Variants in SGCD observed in about 807,000 individuals in gnomAD.
The protein encoded by SGCD is delta-sarcoglycan.
Under a neutral mutation model 36.6 loss-of-function variants are expected in SGCD, and 18 were observed. The ratio of observed to expected loss-of-function variants is 0.49; its 90% confidence interval spans 0.34 to 0.73. The LOEUF is 0.73. SGCD is among the 30% of genes least tolerant of loss of function. The pLI is 0.01. For missense variants in SGCD, 387 were observed against 346.7 expected (o/e 1.12, Z -0.92); for synonymous variants, 133 against 130.6 (o/e 1.02, Z -0.12).
intron 1 of SGCD, among the ~76,000 whole-genome samples, chr5:156,022,544 T>G (rs527458020): frequency 6.6e-6 from 1 of 152,306 alleles, no homozygotes; most frequent in African/African-American, 2.4e-5. Flanking sequence ...CATAACACAT[T>G]TTATAACTTC....
the SGCD span, among the ~76,000 whole-genome samples, chr5:155,760,155 CT>C: frequency 1.3e-5 from 2 of 150,856 alleles, no homozygotes; most frequent in Non-Finnish European, 3.0e-5. Flanking sequence ...CTCTATCATC[CT>C]CACCATCATC....
chr5:156,579,225 AGT>A (rs928357509), intron 4 of SGCD, among the ~76,000 whole-genome samples: 12 of 152,182 alleles, frequency 7.9e-5, no homozygotes, highest in African/African-American at 2.9e-4. Flanking sequence ...AGTGGTTTTG[AGT>A]GTGTTTCTTA....
intron 3 of SGCD, among the ~76,000 whole-genome samples, chr5:156,185,391 T>A (rs1037292794): frequency 5.9e-5 from 9 of 151,918 alleles, no homozygotes; most frequent in African/African-American, 2.2e-4. Flanking sequence ...ATTTTTTGTA[T>A]TTTTAGCAGA....
rs55795142 is a variant in SGCD at position 156,487,960 on chromosome 5, TTATATA to T, written c.193-20625_193-20620del. ...ATCTCAATAAGAAATGTAACATATA[TTATATA>T]TATATATATATATATCAAAATGAAT... is the stretch of plus-strand genomic sequence containing the variant. On this transcript the variant is annotated intron_variant, in intron 3 of 8. Coordinates refer to ENST00000337851, the MANE Select transcript of SGCD (RefSeq NM_000337.6). Among the ~76,000 whole-genome samples the T allele has an allele frequency of 6.6e-5, 9 of 136,700 alleles. No individual in the cohort carries two copies. In the East Asian group the frequency reaches 1.0e-3, roughly 16 times the overall value. The allele number at this position is 136,700 out of a possible 152,430, so 89.7% of individuals were successfully genotyped here. A position where few individuals can be genotyped will look rare whatever the true frequency, so the allele number is the denominator to read the frequency against.
At chr5:156,178,014 A>G (rs527904236) in intron 3 of SGCD, among the ~76,000 whole-genome samples, 1 of 152,348 alleles carries the variant, frequency 6.6e-6, no homozygotes, top group East Asian at 1.9e-4. Context: ...AGCCTAATCT[A>G]TATCTTAAGT....
intron 1 of SGCD, among the ~76,000 whole-genome samples, chr5:155,986,061 A>G (rs941104957): frequency 6.6e-6 from 1 of 152,196 alleles, no homozygotes; most frequent in Non-Finnish European, 1.5e-5. Context: ...AGAAAAAAAA[A>G]GTTACCTTTT....
At chr5:155,779,806 C>G in the SGCD span, among the ~76,000 whole-genome samples, 1 of 152,088 alleles carries the variant, frequency 6.6e-6, no homozygotes, top group Admixed American at 6.6e-5. Context: ...CTTGCCAACA[C>G]TTGGTATGAT....
the SGCD span, among the ~76,000 whole-genome samples, chr5:155,762,274 A>G: frequency 4.6e-5 from 7 of 152,188 alleles, no homozygotes; most frequent in Admixed American, 1.3e-4. Flanking sequence ...ACAAATCACA[A>G]TTGGAATTTA....
chr5:156,038,952 C>T (rs753528592), intron 1 of SGCD, among the ~76,000 whole-genome samples: 2 of 152,152 alleles, frequency 1.3e-5, no homozygotes, highest in Non-Finnish European at 2.9e-5. Flanking sequence ...TGGCCTCTGA[C>T]CATGTCACCA....
intron 3 of SGCD, among the ~76,000 whole-genome samples, chr5:156,140,957 A>T (rs1344489375): frequency 6.6e-6 from 1 of 152,060 alleles, no homozygotes; most frequent in Non-Finnish European, 1.5e-5. Flanking sequence ...CAGTTTTAAG[A>T]GGGGGGGCCC....
the SGCD span, among the ~76,000 whole-genome samples, chr5:155,762,813 C>A: frequency 6.6e-6 from 1 of 152,170 alleles, no homozygotes; most frequent in African/African-American, 2.4e-5. Context: ...TATGGCAATT[C>A]CTCTAATACT....
intron 7 of SGCD, among the ~76,000 whole-genome samples, chr5:156,667,387 G>A (rs1204259335): frequency 6.6e-6 from 1 of 152,104 alleles, no homozygotes; most frequent in African/African-American, 2.4e-5. Context: ...TGAACAGTTT[G>A]CAAACATGTT....
chr5:156,747,808 T>C (rs993102391), intron 7 of SGCD, among the ~76,000 whole-genome samples: 1 of 152,152 alleles, frequency 6.6e-6, no homozygotes, highest in Non-Finnish European at 1.5e-5. Context: ...AGACAAGGAT[T>C]CCTGGGGACC....
At chr5:156,216,561 A>G (rs1314338950) in intron 3 of SGCD, among the ~76,000 whole-genome samples, 3 of 152,178 alleles carry the variant, frequency 2.0e-5, no homozygotes, top group Non-Finnish European at 4.4e-5. Context: ...TTATGTCACT[A>G]CCCATGAGTC....
intron 3 of SGCD, among the ~76,000 whole-genome samples, chr5:156,442,164 G>T (rs757466379): frequency 6.6e-6 from 1 of 152,182 alleles, no homozygotes; most frequent in Non-Finnish European, 1.5e-5. Context: ...AGCAGTGATC[G>T]AGTGTAATCA....
chr5:156,699,337 C>G (rs1410086420), intron 7 of SGCD, among the ~76,000 whole-genome samples: 1 of 152,146 alleles, frequency 6.6e-6, no homozygotes, highest in Non-Finnish European at 1.5e-5. Flanking sequence ...CTTTGGCAAG[C>G]CTGTGGTTAG....
chr5:156,000,933 A>C (rs1023450115), intron 1 of SGCD, among the ~76,000 whole-genome samples: 21 of 152,130 alleles, frequency 1.4e-4, no homozygotes, highest in African/African-American at 4.6e-4. Flanking sequence ...CCACACTTTG[A>C]GGATGGCTGG....
At chr5:155,981,216 G>A (rs934364774) in intron 1 of SGCD, among the ~76,000 whole-genome samples, 9 of 152,144 alleles carry the variant, frequency 5.9e-5, no homozygotes, top group Non-Finnish European at 1.2e-4. Context: ...GACAAAGCTC[G>A]TGGCTCAGTT....
chr5:155,869,908 A>G (rs1222361953), upstream of SGCD, among the ~76,000 whole-genome samples: 3 of 152,160 alleles, frequency 2.0e-5, no homozygotes, highest in Non-Finnish European at 4.4e-5. Flanking sequence ...CTGAGGCAGG[A>G]GAATCGCTTG....
Sources: gnomAD v4.1 joint callset for allele counts (sites outside exome capture counted in the v4.1 genomes callset) on GRCh38, gnomAD v4.1.1 for gene constraint, MANE v1.5 for transcripts, NCBI Gene and HGNC (gene_info 2026-07-23, HGNC 2026-07-21) for gene names.